Variants in AKAP9 observed in about 807,000 individuals in gnomAD.
AKAP9 encodes the protein A-kinase anchor protein 9.
A neutral mutation model predicts 488.5 loss-of-function variants in AKAP9; 311 were observed. That is an observed-to-expected ratio of 0.64 (90% confidence interval 0.58 to 0.70). AKAP9 has a LOEUF of 0.70. Among genes scored for constraint, AKAP9 ranks in the 30% least tolerant of loss-of-function variants. The pLI, the probability that AKAP9 is intolerant of heterozygous loss-of-function variation, is 0.00. For missense variants in AKAP9, 4,215 were observed against 4,374.5 expected, an observed-to-expected ratio of 0.96 and a Z score of 1.03; for synonymous variants, 1,462 against 1,483.5, an observed-to-expected ratio of 0.99 and a Z score of 0.33.
Position 92,003,350 on chromosome 7 carries a change from C to T in AKAP9, c.3318+115C>T, listed in dbSNP as rs1373587390. 5.1e-6 allele frequency: 4 copies of T among 785,350 alleles called. No individual in the cohort carries two copies. The African/African-American group carries it at 7.0e-5, about 14-fold the overall frequency. 48.6% of individuals were successfully genotyped at this position (785,350 alleles called of 1,614,324 possible). On this transcript the variant is annotated intron_variant, in intron 8 of 49. Transcript: ENST00000356239. Reference sequence around the variant, plus strand: ...ATCCTTACAAGAGAATGAAAATGAACCCTCTGATGTAATTTTAACTTGAGC... The same window carrying T: ...ATCCTTACAAGAGAATGAAAATGAATCCTCTGATGTAATTTTAACTTGAGC...
At chr7:92,049,256 T>C (rs1807510844) in intron 21 of AKAP9, among the ~76,000 whole-genome samples, 1 of 152,190 alleles carries the variant, frequency 6.6e-6, no homozygotes, top group African/African-American at 2.4e-5. Flanking sequence ...TGGCATCTTG[T>C]GAAGTTCCCC....
At chr7:92,097,495 G>A in intron 41 of AKAP9, 91 bp from the exon 42 acceptor site, 1 of 1,484,322 alleles carries the variant, frequency 6.7e-7, no homozygotes, top group Non-Finnish European at 9.3e-7. Flanking sequence ...AAGTTTATTG[G>A]ATATAAACAA....
intron 5 of AKAP9, 136 bp downstream of exon 5, chr7:91,993,191 C>A: frequency 4.3e-6 from 4 of 936,124 alleles, no homozygotes; most frequent in Non-Finnish European, 4.7e-6. Context: ...TCTTCTTCTT[C>A]TTCTTTTTTT....
chr7:92,085,242 A>G (rs530314130), intron 35 of AKAP9, among the ~76,000 whole-genome samples: 2 of 152,328 alleles, frequency 1.3e-5, no homozygotes, highest in East Asian at 3.9e-4. Context: ...TGGTCAAATC[A>G]GTAGCTTATC....
At position 92,097,735 on chromosome 7, in the gene AKAP9, A is replaced by T. The variant is rs1816860626; in HGVS notation, c.10548A>T (p.Arg3516Ser). 6.2e-7 allele frequency: 1 copy of T among 1,614,088 alleles called. No individual in the cohort carries two copies. Among genetic ancestry groups the T allele is most frequent in the Admixed American group, 1.7e-5 (1 of 60,006 alleles). Residue 3516 changes from arginine to serine, a missense_variant, in exon 42 of 50, where the codon AGA (arginine) becomes AGT (serine). Arg to Ser is a moderately radical substitution (Grantham distance 110, BLOSUM62 -1). Transcript: ENST00000356239. ...TGCNHELEMIRQKLQCVASKL... is the reference protein window; with the variant it reads ...TGCNHELEMISQKLQCVASKL... ...GTAATCATGAATTAGAAATGATCAG[A>T]CAAAAGCTTCAATGTGTAGCTTCAA...
chr7:91,957,882 A>G (rs540716977), intron 1 of AKAP9, among the ~76,000 whole-genome samples: 4 of 152,320 alleles, frequency 2.6e-5, no homozygotes, highest in African/African-American at 9.6e-5. Flanking sequence ...TTTCCATAAT[A>G]AAACTATTTT....
chr7:91,995,416 T>C (rs1183331184), intron 6 of AKAP9, among the ~76,000 whole-genome samples, 187 bp from the exon 7 acceptor site: 2 of 152,136 alleles, frequency 1.3e-5, no homozygotes, highest in African/African-American at 2.4e-5. Flanking sequence ...CTCTGCTGTA[T>C]CATGGAAAAG....
At chr7:92,069,612 T>C (rs1811352409) in intron 26 of AKAP9, among the ~76,000 whole-genome samples, 1 of 152,214 alleles carries the variant, frequency 6.6e-6, no homozygotes, top group Admixed American at 6.5e-5. Context: ...ATTTCAGATA[T>C]TTTGAATTTT....
At chr7:92,094,790 G>T (rs1348121647) in intron 39 of AKAP9, among the ~76,000 whole-genome samples, 1 of 152,212 alleles carries the variant, frequency 6.6e-6, no homozygotes, top group Non-Finnish European at 1.5e-5. Flanking sequence ...CCGAGATGGC[G>T]CTACTGCACT....
chr7:91,998,418 C>CTTTTTTTTTTT lies in AKAP9; in HGVS notation c.931-2403_931-2393dup, dbSNP rs60778133. On this transcript the variant is annotated intron_variant, in intron 7 of 49. Transcript: ENST00000356239. ...AGATAGTGTATTCAACCACAGGGCT[C>CTTTTTTTTTTT]TTTTTTTTTTTTTTTTTTTTTTTTT... 1.3e-3 allele frequency among the ~76,000 whole-genome samples: 71 copies of CTTTTTTTTTTT among 53,986 alleles called. 21 individuals are homozygous for CTTTTTTTTTTT. The highest frequency in any genetic ancestry group is 2.5e-3 in the Non-Finnish European group (63 of 25,224). 35.4% of individuals were successfully genotyped at this position (53,986 alleles called of 152,430 possible).
intron 1 of AKAP9, among the ~76,000 whole-genome samples, chr7:91,962,479 TCTC>T (rs1793846091): frequency 1.3e-5 from 2 of 152,182 alleles, no homozygotes; most frequent in Admixed American, 1.3e-4. Context: ...CTGTTTTGGT[TCTC>T]AAGTCTTGTG....
chr7:92,060,557 T>A (rs1265460447), intron 22 of AKAP9, among the ~76,000 whole-genome samples: 1 of 152,168 alleles, frequency 6.6e-6, no homozygotes, highest in Non-Finnish European at 1.5e-5. Context: ...AAGCCTTCTA[T>A]CATCTTAAAA....
intron 1 of AKAP9, among the ~76,000 whole-genome samples, chr7:91,947,249 A>G (rs900616104): frequency 1.3e-5 from 2 of 151,886 alleles, no homozygotes; most frequent in Non-Finnish European, 2.9e-5. Flanking sequence ...TCTGGTAGAA[A>G]TGGCACTAGG....
intron 1 of AKAP9, among the ~76,000 whole-genome samples, chr7:91,972,601 C>T (rs764752863): frequency 2.6e-5 from 4 of 152,140 alleles, no homozygotes; most frequent in Non-Finnish European, 4.4e-5. Context: ...TCTGGGATAT[C>T]GCCAGTAATA....
At chr7:91,954,261 TG>T (rs1792657813) in intron 1 of AKAP9, among the ~76,000 whole-genome samples, 1 of 152,218 alleles carries the variant, frequency 6.6e-6, no homozygotes. Context: ...TTCTATCCAA[TG>T]GAATTGTTTC....
intron 17 of AKAP9, 84 bp from the exon 18 acceptor site, chr7:92,040,590 A>G: frequency 1.0e-6 from 1 of 953,836 alleles, no homozygotes; most frequent in Non-Finnish European, 1.6e-6. Flanking sequence ...TTGCTTTCGT[A>G]TTTGTTTACA....
At chr7:91,992,243 T>A (rs771710726) in intron 4 of AKAP9, 32 bp downstream of exon 4, 4 of 1,467,474 alleles carry the variant, frequency 2.7e-6, no homozygotes, top group Non-Finnish European at 3.8e-6. Context: ...GTGATACTAA[T>A]GTTGGATACT....
chr7:92,083,629 G>A lies in AKAP9; in HGVS notation c.8620G>A (p.Val2874Met), dbSNP rs557519848. Residue 2874 changes from valine (V) to methionine (M), a missense_variant, in exon 33 of 50, where the codon GTG becomes ATG. Physicochemically the swap from Val to Met is conservative, Grantham distance 21 (BLOSUM62 1). This residue lies in a region of AKAP9 where 1,476 missense variants were observed against 1,477.4 expected (regional missense o/e 1.00). Coordinates refer to ENST00000356239, the MANE Select transcript of AKAP9 (RefSeq NM_005751.5). ...LKEECGTLKA[V>M]IQCLRSKEGS... ...AGAGGAATGTGGTACCTTGAAGGCA[G>A]TGATACAGTGTCTGAGAAGTAAAGA... 1.2e-6 allele frequency: 2 copies of A among 1,610,848 alleles called. 1 individual carries two copies. Among genetic ancestry groups the A allele is most frequent in the South Asian group, 2.2e-5 (2 of 90,046 alleles).
rs761824694 is a variant in AKAP9, at chr7:92,097,250, C to T, written c.10291C>T (p.Leu3431Phe). The change falls in exon 41 of 50, where the codon CTT becomes TTT. Residue 3431 changes from leucine to phenylalanine, a missense_variant. Coordinates refer to ENST00000356239, the MANE Select transcript of AKAP9 (RefSeq NM_005751.5). Reference sequence around the variant, plus strand: ...AAGACAACAAGTTTATAAGTTAGACCTTGAAGGACAGCGACTACAAGGAAT... The same window carrying T: ...AAGACAACAAGTTTATAAGTTAGACTTTGAAGGACAGCGACTACAAGGAAT... ...EKRQQVYKLD[L>F]EGQRLQGIMQ... 2.5e-6 allele frequency: 4 copies of T among 1,613,716 alleles called. No individual in the cohort carries two copies. The highest frequency in any genetic ancestry group is 2.2e-5 in the South Asian group (2 of 90,964).
Sources: allele counts gnomAD v4.1 joint callset (sites outside exome capture counted in the v4.1 genomes callset), GRCh38; gene constraint gnomAD v4.1.1; regional missense constraint gnomAD v4.1.1; transcripts MANE v1.5; gene names NCBI Gene and HGNC (gene_info 2026-07-23, HGNC 2026-07-21).